TMEM106C: variants seen among roughly 807,000 people sequenced by gnomAD.
The protein encoded by TMEM106C is transmembrane protein 106C, also known as endoplasmic reticulum membrane protein overexpressed in cancer.
TMEM106C carries 27 observed loss-of-function variants against 30.8 expected under a neutral mutation model. The ratio of observed to expected loss-of-function variants is 0.88; its 90% CI spans 0.65 to 1.21. The LOEUF (loss-of-function observed/expected upper bound fraction) is 1.21, where lower values mean the gene tolerates loss of function less well. TMEM106C is among the 50% of genes most tolerant of loss of function. The pLI is 0.00. For synonymous variants in TMEM106C, 123 were observed against 118.8 expected, an observed-to-expected ratio of 1.04 and a Z score of -0.23; for missense variants, 288 against 307.8, an observed-to-expected ratio of 0.94 and a Z score of 0.48.
chr12:47,964,815 A>G (rs1442727026), intron 2 of TMEM106C: 1 of 304,180 alleles, frequency 3.3e-6, no homozygotes, highest in Non-Finnish European at 6.3e-6. Context: ...TCAGAAAAAT[A>G]TATCAGGTCA....
chr12:47,966,655 C>G (rs1293781700), intron 5 of TMEM106C, 28 bp from the exon 6 acceptor site: 1 of 1,614,104 alleles, frequency 6.2e-7, no homozygotes, highest in Admixed American at 1.7e-5. Context: ...TGCTTGGCCA[C>G]AGACCAACTC....
chr12:47,967,592 C>T (rs1162137388), intron 7 of TMEM106C, among the ~76,000 whole-genome samples: 1 of 152,196 alleles, frequency 6.6e-6, no homozygotes, highest in East Asian at 1.9e-4. Context: ...TTTGACCAGA[C>T]TTCCTCTCTA....
chr12:47,968,293 C>A lies in TMEM106C; in HGVS notation c.*64C>A. 1 of 1,336,752 alleles carries A rather than the reference C, an allele frequency of 7.5e-7. No homozygotes were observed. Among genetic ancestry groups the A allele is most frequent in the Non-Finnish European group, 1.1e-6 (1 of 933,822 alleles). The allele number at this position is 1,336,752 out of a possible 1,614,324, so 82.8% of individuals were successfully genotyped here. ...AGAGCACAGCATATGTTCCCAAGGC[C>A]TGAGTTCTGGACCTACCCCCACGTG... On this transcript the variant is annotated 3_prime_UTR_variant, in exon 8 of 8. Coordinates refer to ENST00000429772, the MANE Select transcript of TMEM106C (RefSeq NM_001143842.2).
intron 5 of TMEM106C, 92 bp downstream of exon 5, chr12:47,966,321 TCTC>T (rs1488294630): frequency 4.8e-5 from 68 of 1,427,218 alleles, no homozygotes; most frequent in Middle Eastern, 3.7e-4. Flanking sequence ...TTCCTTTTTG[TCTC>T]CTCATTTCTA....
chr12:47,967,447 A>C (rs1468221044), intron 7 of TMEM106C, among the ~76,000 whole-genome samples, 186 bp downstream of exon 7: 2 of 152,192 alleles, frequency 1.3e-5, no homozygotes, highest in African/African-American at 4.8e-5. Context: ...CCCTTCACAA[A>C]TCACCAGTCA....
intron 6 of TMEM106C, 62 bp from the exon 7 acceptor site, chr12:47,967,146 A>G (rs1592186923): frequency 1.9e-6 from 3 of 1,549,104 alleles, no homozygotes; most frequent in Admixed American, 3.3e-5. Context: ...GTAACTCTGC[A>G]CTCTTCTACT....
At position 47,968,297 on chromosome 12, in the gene TMEM106C, G is replaced by A. The variant is rs747140437; in HGVS notation, c.*68G>A. ...CACAGCATATGTTCCCAAGGCCTGA[G>A]TTCTGGACCTACCCCCACGTGGTGT... On this transcript the variant is annotated 3_prime_UTR_variant, in exon 8 of 8. Transcript: ENST00000429772. 1 of 1,243,464 alleles carries A rather than the reference G, an allele frequency of 8.0e-7. No individual in the cohort carries two copies. Among genetic ancestry groups the A allele is most frequent in the South Asian group, 1.2e-5 (1 of 83,534 alleles). The allele number at this position is 1,243,464 out of a possible 1,614,324, so 77.0% of individuals were successfully genotyped here.
Position 47,963,650 on chromosome 12 carries a change from G to T in TMEM106C, c.-83G>T. ...AAGAGGCTGGTAAGTCCTCAAGCTG[G>T]CAGGTGGTCGGGGGAGCGGCCGGAG... On this transcript the variant is annotated 5_prime_UTR_variant, in exon 1 of 8. Coordinates refer to ENST00000429772, the MANE Select transcript of TMEM106C (RefSeq NM_001143842.2). The T allele has an allele frequency of 6.5e-6, 1 of 153,498 alleles. No homozygotes were observed. Among genetic ancestry groups the T allele is most frequent in the Non-Finnish European group, 1.5e-5 (1 of 68,852 alleles). The allele number at this position is 153,498 out of a possible 1,614,324, so 9.5% of individuals were successfully genotyped here. A position where few individuals can be genotyped will look rare whatever the true frequency, so the allele number is the denominator to read the frequency against.
chr12:47,964,746 GA>G (rs1475374575), intron 2 of TMEM106C: 5 of 362,344 alleles, frequency 1.4e-5, no homozygotes, highest in Non-Finnish European at 2.6e-5. Flanking sequence ...CTTTGCGGGG[GA>G]ACCATCTTGG....
At chr12:47,966,867 G>A (rs1169542582) in intron 6 of TMEM106C, 135 bp downstream of exon 6, 2 of 850,524 alleles carry the variant, frequency 2.4e-6, no homozygotes, top group Non-Finnish European at 3.9e-6. Context: ...TGGATGTCTT[G>A]AGATTTATTT....
chr12:47,966,048 C>G, intron 4 of TMEM106C, 41 bp from the exon 5 acceptor site: 1 of 1,614,148 alleles, frequency 6.2e-7, no homozygotes, highest in Non-Finnish European at 8.5e-7. Context: ...AGGCTGGGAC[C>G]CAGGACACTT....
At chr12:47,966,464 T>A in intron 5 of TMEM106C, 1 of 696,630 alleles carries the variant, frequency 1.4e-6, no homozygotes, top group Non-Finnish European at 2.4e-6. Context: ...TGCTACAAAA[T>A]AAGAAGCAGC....
chr12:47,966,951 T>C, intron 6 of TMEM106C: 1 of 639,988 alleles, frequency 1.6e-6, no homozygotes, highest in Middle Eastern at 4.0e-4. Context: ...CTGGAATTTC[T>C]AAAAGAGAAC....
chr12:47,965,217 T>G (rs1434136069), intron 2 of TMEM106C, 65 bp from the exon 3 acceptor site: 41 of 1,332,954 alleles, frequency 3.1e-5, no homozygotes, highest in Non-Finnish European at 4.1e-5. Flanking sequence ...CAGGCTCAAG[T>G]GAGACGTGAA....
At chr12:47,964,504 C>A (rs1938156637) in intron 2 of TMEM106C, 81 bp downstream of exon 2, 2 of 1,369,300 alleles carry the variant, frequency 1.5e-6, no homozygotes, top group South Asian at 1.2e-5. Context: ...AACTTTTCTT[C>A]TAGGCAGTAA....
Position 47,965,901 on chromosome 12 carries a change from CCT to C in TMEM106C, c.316_317del (p.Leu106ValfsTer9). ...TGGCATCTGGTTTGGTGGTTTTCTT[CCT>C]GTTTCCGCATTCAGTCCTTGTGGAT... Reference protein sequence around the residue: ...LLASGLVVFFLFPHSVLVDDD... With the variant: ...LLASGLVVFFXFPHSVLVDDD... On this transcript the variant is annotated frameshift_variant, in exon 4 of 8. Coordinates refer to ENST00000429772, the MANE Select transcript of TMEM106C (RefSeq NM_001143842.2). LOFTEE classifies it high-confidence loss of function. 6 of 1,614,232 alleles carry C rather than the reference CCT, an allele frequency of 3.7e-6. No homozygotes were observed. The highest frequency in any genetic ancestry group is 4.2e-6 in the Non-Finnish European group (5 of 1,180,042).
intron 1 of TMEM106C, chr12:47,963,995 C>A: frequency 1.8e-6 from 1 of 549,174 alleles, no homozygotes; most frequent in South Asian, 2.0e-5. Context: ...GCCCCGTTCC[C>A]CCTCCCCACC....
At position 47,967,130 on chromosome 12, in the gene TMEM106C, G is replaced by T. The variant is rs982116532; in HGVS notation, c.603-78G>T. 13 of 1,477,804 alleles carry T rather than the reference G, an allele frequency of 8.8e-6. No homozygotes were observed. The Admixed American group carries it at 2.2e-4, about 25-fold the overall frequency. The allele number at this position is 1,477,804 out of a possible 1,614,324, so 91.5% of individuals were successfully genotyped here. ...AGGGGGAGGGGGGCACCCCAAACAG[G>T]ACAGTGTAACTCTGCACTCTTCTAC... On this transcript the variant is annotated intron_variant, in intron 6 of 7. Coordinates refer to ENST00000429772, the MANE Select transcript of TMEM106C (RefSeq NM_001143842.2).
Position 47,968,172 on chromosome 12 carries a change from G to T in TMEM106C, c.696G>T (p.Gln232His), listed in dbSNP as rs755258890. ...TTTCATACATTGGCCTCATGACCCA[G>T]AGCTCCTTGGAGACACATCACTATG... ...VKISYIGLMT[Q>H]SSLETHHYVD... Residue 232 changes from glutamine to histidine, a missense_variant, in exon 8 of 8, where the codon CAG becomes CAT. Physicochemically the swap from Gln to His is conservative, Grantham distance 24. Coordinates refer to ENST00000429772, the MANE Select transcript of TMEM106C (RefSeq NM_001143842.2). 6.2e-7 allele frequency: 1 copy of T among 1,613,906 alleles called. No homozygotes were observed. The highest frequency in any genetic ancestry group is 1.3e-5 in the African/African-American group (1 of 74,884).
Sources: gnomAD v4.1 joint callset for allele counts (sites outside exome capture counted in the v4.1 genomes callset) on GRCh38, gnomAD v4.1.1 for gene constraint, MANE v1.5 for transcripts, NCBI Gene and HGNC (gene_info 2026-07-23, HGNC 2026-07-21) for gene names.